KCNC4: variants seen among roughly 807,000 people sequenced by gnomAD.
KCNC4 encodes the protein voltage-gated potassium channel KCNC4.
A neutral mutation model predicts 42.8 loss-of-function variants in KCNC4; 23 were observed. That is an observed-to-expected ratio of 0.54 (90% confidence interval 0.39 to 0.76). KCNC4 has a LOEUF of 0.76. KCNC4 is among the 30% of genes least tolerant of loss of function. KCNC4 has a pLI of 0.00. For synonymous variants in KCNC4, 422 were observed against 393.5 expected, an observed-to-expected ratio of 1.07 and a Z score of -0.86; for missense variants, 751 against 898.2, an observed-to-expected ratio of 0.84 and a Z score of 2.10.
intron 1 of KCNC4, among the ~76,000 whole-genome samples, chr1:110,279,978 G>A (rs373129835): frequency 4.5e-4 from 69 of 151,800 alleles, no homozygotes; most frequent in Admixed American, 4.1e-3. Context: ...TAGTAGAGAC[G>A]GGGTTTCATC....
At chr1:110,261,894 T>C (rs1570578781) in intron 1 of KCNC4, among the ~76,000 whole-genome samples, 1 of 152,234 alleles carries the variant, frequency 6.6e-6, no homozygotes, top group Non-Finnish European at 1.5e-5. Context: ...GTTTTTCTTA[T>C]ACAAAACAAC....
Position 110,233,071 on chromosome 1 carries a change from CAG to C in KCNC4, c.*101_*102del. The C allele has an allele frequency of 1.4e-6, 2 of 1,437,682 alleles. No homozygotes were observed. Among genetic ancestry groups the C allele is most frequent in the Non-Finnish European group, 1.9e-6 (2 of 1,053,302 alleles). 89.1% of individuals were successfully genotyped at this position (1,437,682 alleles called of 1,614,324 possible). On this transcript the variant is annotated 3_prime_UTR_variant, in exon 4 of 4. Transcript: ENST00000438661. ...AAGAATCTTTTCGCTGGGAAAGACT[CAG>C]ATATCCTTGTTTGCACAGGACTGGT... is the stretch of plus-strand genomic sequence containing the variant.
At position 110,211,642 on chromosome 1, in the gene KCNC4, A is replaced by G. The variant is rs1443056681; in HGVS notation, c.143A>G (p.Glu48Gly). ...ATCAACGTGGGCGGCACGCGACATG[A>G]GACCTACCGCAGCACCCTGCGCACC... ...IIINVGGTRHETYRSTLRTLP... is the reference protein window; with the variant it reads ...IIINVGGTRHGTYRSTLRTLP... The change falls in exon 1 of 4, where the codon GAG (glutamate) becomes GGG (glycine). Residue 48 changes from glutamate to glycine, a missense_variant. Glu to Gly is a moderately conservative substitution (Grantham distance 98). Transcript: ENST00000438661. This position sits in a 1 kb window ranked among gnomAD's most constrained non-coding sequence, Gnocchi z 6.5. The G allele has an allele frequency of 7.4e-6, 12 of 1,613,684 alleles. No homozygotes were observed. The Admixed American group carries it at 1.7e-4, about 22-fold the overall frequency.
chr1:110,239,720 T>C (rs1007124898), exon 4 of KCNC4: 8 of 152,210 alleles, frequency 5.3e-5, no homozygotes, highest in African/African-American at 1.7e-4. Context: ...GGGAATAACA[T>C]GAACGCTCTT....
Position 110,223,657 on chromosome 1 carries a change from C to T in KCNC4, c.1372C>T (p.Leu458=). 1.9e-6 allele frequency: 3 copies of T among 1,614,012 alleles called. No individual in the cohort carries two copies. The highest frequency in any genetic ancestry group is 2.5e-6 in the Non-Finnish European group (3 of 1,180,040). Residue 458 remains leucine (L), a synonymous_variant, in exon 2 of 4, where the codon CTG becomes TTG. Coordinates refer to ENST00000438661, the MANE Select transcript of KCNC4 (RefSeq NM_001039574.3). The surrounding 1 kb of genome is among the most constrained non-coding windows in gnomAD (Gnocchi z 7.5). ...SGMLVGALCA[L]AGVLTIAMPV... ...CATGCTGGTAGGGGCACTGTGTGCA[C>T]TGGCTGGCGTGCTCACCATCGCCAT...
intron 3 of KCNC4, 32 bp downstream of exon 3, chr1:110,226,210 C>CT: frequency 6.3e-7 from 1 of 1,596,302 alleles, no homozygotes; most frequent in Non-Finnish European, 8.6e-7. Context: ...AGGTGGGGAG[C>CT]CCCCACAGAG....
rs1243344456 is a variant in KCNC4, at chr1:110,211,710, G to C, written c.211G>C (p.Gly71Arg). The change falls in exon 1 of 4, where the codon GGG (glycine) becomes CGG (arginine). Residue 71 changes from glycine to arginine, a missense_variant. Coordinates refer to ENST00000438661, the MANE Select transcript of KCNC4 (RefSeq NM_001039574.3). This position sits in a 1 kb window ranked among gnomAD's most constrained non-coding sequence, Gnocchi z 6.5. Reference protein sequence around the residue: ...RLAWLADPDGGGRPETDGGGV... With the variant: ...RLAWLADPDGRGRPETDGGGV... ...CGCCTGGCTGGCCGACCCCGACGGC[G>C]GGGGCCGGCCCGAGACCGATGGCGG... The C allele has an allele frequency of 1.2e-6, 2 of 1,608,302 alleles. No homozygotes were observed. The highest frequency in any genetic ancestry group is 1.7e-5 in the Admixed American group (1 of 59,494).
rs1658745230 is a variant in KCNC4, at chr1:110,232,480, G to C, written c.1820-431G>C. ...GCCTGTGAGCCACAGGCCACATCAG[G>C]AACTTTCCCCACTGCCTCCATGCAA... On this transcript the variant is annotated intron_variant, in intron 3 of 3. Coordinates refer to ENST00000438661, the MANE Select transcript of KCNC4 (RefSeq NM_001039574.3). 4.2e-6 allele frequency: 6 copies of C among 1,442,382 alleles called. No individual in the cohort carries two copies. In the South Asian group the frequency reaches 8.8e-5, roughly 21 times the overall value. 89.3% of individuals were successfully genotyped at this position (1,442,382 alleles called of 1,614,324 possible).
chr1:110,226,026 C>G lies in KCNC4; in HGVS notation c.1667C>G (p.Ala556Gly), dbSNP rs1658367946. The stretch of plus-strand genomic sequence containing the variant: ...GCAGTGCTGTCTGATGAGGAGGGAG[C>G]TGGCCTCACCCAACCCCTGGCCTCC... ...ANAVLSDEEG[A>G]GLTQPLASSP... Residue 556 changes from alanine (A) to glycine (G), a missense_variant, in exon 3 of 4, where the codon GCT becomes GGT. By Grantham distance (60) the Ala-to-Gly change is moderately conservative (BLOSUM62 0). Transcript: ENST00000438661. 2 of 1,613,210 alleles carry G rather than the reference C, an allele frequency of 1.2e-6. No homozygotes were observed. The highest frequency in any genetic ancestry group is 1.7e-5 in the Admixed American group (1 of 59,960).
At chr1:110,280,625 A>G (rs1311395788) in intron 1 of KCNC4, among the ~76,000 whole-genome samples, 1 of 149,886 alleles carries the variant, frequency 6.7e-6, no homozygotes, top group African/African-American at 2.5e-5. Context: ...ATCTACCCCA[A>G]CATTTGGGTG....
rs150643950 is a variant in KCNC4 at position 110,223,862 on chromosome 1, C to A, written c.1577C>A (p.Pro526His). 4 of 1,604,744 alleles carry A rather than the reference C, an allele frequency of 2.5e-6. No homozygotes were observed. The highest frequency in any genetic ancestry group is 1.7e-4 in the Middle Eastern group (1 of 6,026). The change falls in exon 2 of 4, where the codon CCT becomes CAT. Residue 526 changes from proline to histidine, a missense_variant. Pro to His is a moderately conservative substitution (Grantham distance 77). Transcript: ENST00000438661. The surrounding 1 kb of genome is among the most constrained non-coding windows in gnomAD (Gnocchi z 7.5). ...RDSTCSDTSPPAREEGMIERK... is the reference protein window; with the variant it reads ...RDSTCSDTSPHAREEGMIERK... ...AGCACCTGCAGTGATACCAGCCCCCCTGCCCGGGAAGAGGGTATGATCGAG... is the reference window on the plus strand; with the variant it reads ...AGCACCTGCAGTGATACCAGCCCCCATGCCCGGGAAGAGGGTATGATCGAG...
At chr1:110,236,850 T>C (rs1338852899), downstream of KCNC4, 1 of 152,172 alleles carries the variant, frequency 6.6e-6, no homozygotes, top group East Asian at 1.9e-4. Context: ...TCTTCTCTGA[T>C]TGCAGAGAGC....
downstream of KCNC4, among the ~76,000 whole-genome samples, chr1:110,250,780 T>A (rs1001932507): frequency 6.6e-6 from 1 of 152,114 alleles, no homozygotes; most frequent in African/African-American, 2.4e-5. Context: ...ACAGCCAGTC[T>A]GCTAGGAGAG....
rs758272968 is a variant in KCNC4, at chr1:110,212,020, G to T, written c.521G>T (p.Ser174Ile). 7.5e-6 allele frequency: 12 copies of T among 1,599,196 alleles called. No individual in the cohort carries two copies. The South Asian group carries it at 1.3e-4, about 18-fold the overall frequency. ...GGAGGCGGCAGCGGCGCGGGGCCCA[G>T]CGACGAGGCCGGCGACGATGAGCGG... ...PDGGGSGAGP[S>I]DEAGDDEREL... Residue 174 changes from serine (S) to isoleucine (I), a missense_variant, in exon 1 of 4, where the codon AGC (serine) becomes ATC (isoleucine). By Grantham distance (142) the Ser-to-Ile change is moderately radical. Around this residue, in one of 4 missense-constraint regions of KCNC4, gnomAD observed 181 missense variants for 167.3 expected, o/e 1.08. Transcript: ENST00000438661.
intron 3 of KCNC4, among the ~76,000 whole-genome samples, chr1:110,227,438 C>A (rs1179580108): frequency 6.6e-6 from 1 of 152,214 alleles, no homozygotes; most frequent in East Asian, 1.9e-4. Context: ...GTTCTGTGGA[C>A]TGGCAGAAAT....
intron 1 of KCNC4, among the ~76,000 whole-genome samples, chr1:110,217,734 G>A (rs1657876026): frequency 6.6e-6 from 1 of 152,184 alleles, no homozygotes; most frequent in Admixed American, 6.5e-5. Flanking sequence ...GGTGGGGGCA[G>A]GGCCAGGTCC....
intron 1 of KCNC4, among the ~76,000 whole-genome samples, chr1:110,214,325 T>G (rs761209358): frequency 2.6e-5 from 4 of 152,200 alleles, no homozygotes; most frequent in Non-Finnish European, 4.4e-5. Flanking sequence ...GTTTCCAGCC[T>G]TCTGGTTGTT....
chr1:110,229,625 T>C (rs1469510134), intron 3 of KCNC4, among the ~76,000 whole-genome samples: 1 of 152,228 alleles, frequency 6.6e-6, no homozygotes, highest in Non-Finnish European at 1.5e-5. Flanking sequence ...GAGACTCATC[T>C]AATTTCTATA....
intron 1 of KCNC4, 144 bp from the exon 2 acceptor site, chr1:110,222,820 T>A (rs1658171284): frequency 1.6e-6 from 1 of 624,626 alleles, no homozygotes; most frequent in Non-Finnish European, 2.8e-6. Flanking sequence ...GAGGAGGGAC[T>A]TCCAGCCCTG....
Sources: allele counts gnomAD v4.1 joint callset (sites outside exome capture counted in the v4.1 genomes callset), GRCh38; gene constraint gnomAD v4.1.1; regional missense constraint gnomAD v4.1.1; non-coding constraint Gnocchi (gnomAD v3.1); transcripts MANE v1.5; gene names NCBI Gene and HGNC (gene_info 2026-07-23, HGNC 2026-07-21).